Variants in OTUD3 observed in about 807,000 individuals in gnomAD.
OTUD3 encodes OTU deubiquitinase 3.
In OTUD3, 24 loss-of-function variants were observed where a neutral mutation model predicts 46.2. The ratio of observed to expected loss-of-function variants is 0.52; its 90% CI spans 0.38 to 0.73. OTUD3 has a LOEUF of 0.73. OTUD3 is among the 30% of genes least tolerant of loss of function. OTUD3 has a pLI of 0.00. For missense variants in OTUD3, 455 were observed against 523.3 expected, an observed-to-expected ratio of 0.87 and a Z score of 1.27; for synonymous variants, 189 against 195.4, an observed-to-expected ratio of 0.97 and a Z score of 0.27.
intron 4 of OTUD3, among the ~76,000 whole-genome samples, chr1:19,900,322 C>A (rs891754735): frequency 8.9e-4 from 135 of 152,176 alleles, no homozygotes; most frequent in Non-Finnish European, 1.6e-3. Flanking sequence ...TCCTGAGTAG[C>A]TGGGACCACA....
chr1:19,902,156 TC>T (rs1326592603), intron 4 of OTUD3, among the ~76,000 whole-genome samples: 1 of 151,368 alleles, frequency 6.6e-6, no homozygotes, highest in Non-Finnish European at 1.5e-5. Flanking sequence ...TGCTTTCTCT[TC>T]ATCCTCTCTG....
rs1319788751 is a variant in OTUD3, at chr1:19,904,289, A to G, written c.629A>G (p.Glu210Gly). Residue 210 changes from glutamate (E) to glycine (G), a missense_variant, in exon 5 of 8, where the codon GAA (glutamate) becomes GGA (glycine). Coordinates refer to ENST00000375120, the MANE Select transcript of OTUD3 (RefSeq NM_015207.2). Reference protein sequence around the residue: ...QTDFQMLHQDESNKREKIKTK... With the variant: ...QTDFQMLHQDGSNKREKIKTK... ...TAGTTTCAGATGCTTCATCAAGATG[A>G]ATCAAATAAAAGAGAAAAGATCAAG... 5 of 1,605,664 alleles carry G rather than the reference A, an allele frequency of 3.1e-6. No individual in the cohort carries two copies. In the South Asian group the frequency reaches 4.5e-5, roughly 14 times the overall value.
chr1:19,888,446 G>A (rs1286805922), intron 1 of OTUD3, among the ~76,000 whole-genome samples: 1 of 152,244 alleles, frequency 6.6e-6, no homozygotes, highest in East Asian at 1.9e-4. Flanking sequence ...AGAAAAGGAA[G>A]TGATTTGTCT....
Position 19,894,518 on chromosome 1 carries a change from T to C in OTUD3, c.483+38T>C, listed in dbSNP as rs372457119. The C allele has an allele frequency of 1.7e-4, 205 of 1,206,012 alleles. 2 individuals carry two copies. Among genetic ancestry groups the C allele is most frequent in the African/African-American group, 1.4e-4 (9 of 66,488 alleles). The allele number at this position is 1,206,012 out of a possible 1,614,324, so 74.7% of individuals were successfully genotyped here. On this transcript the variant is annotated intron_variant, in intron 3 of 7. Transcript: ENST00000375120. ...TTTAAACATTTATCTTAAGCTCTTATTTCTAAGTCAGCTTTGGGAATATCC... is the reference window on the plus strand; with the variant it reads ...TTTAAACATTTATCTTAAGCTCTTACTTCTAAGTCAGCTTTGGGAATATCC...
intron 1 of OTUD3, among the ~76,000 whole-genome samples, chr1:19,889,048 T>C (rs551491276): frequency 1.2e-4 from 19 of 152,334 alleles, no homozygotes; most frequent in Non-Finnish European, 1.9e-4. Context: ...AAGAATAGGC[T>C]AGTGGTGGCA....
rs1292246282 is a variant in OTUD3 at position 19,909,764 on chromosome 1, A to G, written c.*2018A>G. On this transcript the variant is annotated 3_prime_UTR_variant, in exon 8 of 8. Coordinates refer to ENST00000375120, the MANE Select transcript of OTUD3 (RefSeq NM_015207.2). ...GTTAATGAAGGTGGCCTTGGGCCCT[A>G]TTGGGTTTTAGAAGTTTTAGAAGCT... 6 of 152,338 alleles carry G rather than the reference A, an allele frequency of 3.9e-5. No homozygotes were observed. The highest frequency in any genetic ancestry group is 5.9e-5 in the Non-Finnish European group (4 of 68,030). The allele number at this position is 152,338 out of a possible 1,614,324, so 9.4% of individuals were successfully genotyped here.
chr1:19,888,307 G>A (rs1248618270), intron 1 of OTUD3, among the ~76,000 whole-genome samples: 3 of 152,192 alleles, frequency 2.0e-5, no homozygotes, highest in Non-Finnish European at 4.4e-5. Flanking sequence ...TCAGGAAGTG[G>A]CCCAGATCTC....
chr1:19,892,543 T>C (rs1052197111), intron 2 of OTUD3, among the ~76,000 whole-genome samples: 1 of 152,166 alleles, frequency 6.6e-6, no homozygotes, highest in Non-Finnish European at 1.5e-5. Context: ...TCTTTTAGAC[T>C]GTGGCTTCAG....
rs966869893 is a variant in OTUD3, at chr1:19,890,607, C to A, written c.370+74C>A. On this transcript the variant is annotated intron_variant, in intron 2 of 7. Transcript: ENST00000375120. ...AATTAAGTCCACTGGCATCCTCCCC[C>A]CTCCCAGCCAAGGGTTTGGTTATAT... 30 of 1,301,658 alleles carry A rather than the reference C, an allele frequency of 2.3e-5. No homozygotes were observed. The Admixed American group carries it at 3.7e-4, about 16-fold the overall frequency. The allele number at this position is 1,301,658 out of a possible 1,614,324, so 80.6% of individuals were successfully genotyped here. A position where few individuals can be genotyped will look rare whatever the true frequency, so the allele number is the denominator to read the frequency against.
At chr1:19,888,092 G>A (rs1055928772) in intron 1 of OTUD3, among the ~76,000 whole-genome samples, 1 of 152,162 alleles carries the variant, frequency 6.6e-6, no homozygotes, top group African/African-American at 2.4e-5. Flanking sequence ...GGGACATTTG[G>A]CAATGTCTAG....
intron 1 of OTUD3, among the ~76,000 whole-genome samples, chr1:19,887,885 A>G (rs576078943): frequency 7.9e-5 from 12 of 152,290 alleles, no homozygotes; most frequent in East Asian, 3.9e-4. Context: ...CACATTTACT[A>G]TTATTACTGC....
At position 19,906,509 on chromosome 1, in the gene OTUD3, G is replaced by T. The variant is rs1207402468; in HGVS notation, c.913G>T (p.Ala305Ser). Residue 305 changes from alanine (A) to serine (S), a missense_variant, in exon 7 of 8, where the codon GCC becomes TCC. By Grantham distance (99) the Ala-to-Ser change is moderately conservative. Transcript: ENST00000375120. Reference sequence around the variant, plus strand: ...TTTGTGGGAGGAGGGTGGCAGTGGTGCCAGAATCTTTGGAAATCAGGGCTT... The same window carrying T: ...TTTGTGGGAGGAGGGTGGCAGTGGTTCCAGAATCTTTGGAAATCAGGGCTT... ...GPLWEEGGSG[A>S]RIFGNQGLNE... 1 of 1,614,062 alleles carries T rather than the reference G, an allele frequency of 6.2e-7. No individual in the cohort carries two copies.
intron 1 of OTUD3, among the ~76,000 whole-genome samples, chr1:19,885,226 A>G (rs550331089): frequency 1.1e-4 from 16 of 152,182 alleles, no homozygotes; most frequent in Non-Finnish European, 2.2e-4. Flanking sequence ...CTCTCTTCCA[A>G]GGTTCCTGTT....
intron 2 of OTUD3, among the ~76,000 whole-genome samples, chr1:19,891,366 A>G (rs1044477915): frequency 6.6e-6 from 1 of 152,206 alleles, no homozygotes; most frequent in Non-Finnish European, 1.5e-5. Context: ...CAGGGCTTAT[A>G]GTCTTTTCTG....
chr1:19,885,963 G>A (rs897541221), intron 1 of OTUD3, among the ~76,000 whole-genome samples: 3 of 152,168 alleles, frequency 2.0e-5, no homozygotes, highest in Non-Finnish European at 4.4e-5. Context: ...GTTTAGGGAT[G>A]AATTAACCAA....
chr1:19,894,354 C>T lies in OTUD3; in HGVS notation c.371-14C>T, dbSNP rs1373143883. 3 of 1,502,702 alleles carry T rather than the reference C, an allele frequency of 2.0e-6. No individual in the cohort carries two copies. Among genetic ancestry groups the T allele is most frequent in the African/African-American group, 1.4e-5 (1 of 72,078 alleles). 93.1% of individuals were successfully genotyped at this position (1,502,702 alleles called of 1,614,324 possible). A position where few individuals can be genotyped will look rare whatever the true frequency, so the allele number is the denominator to read the frequency against. On this transcript the variant is annotated splice_polypyrimidine_tract_variant and intron_variant, in intron 2 of 7. Transcript: ENST00000375120. ...ACTATAAAGACGTCATTTTTCTTTCCTATTTCCATGCAGTGGCCAGTTTGG... is the reference window on the plus strand; with the variant it reads ...ACTATAAAGACGTCATTTTTCTTTCTTATTTCCATGCAGTGGCCAGTTTGG...
chr1:19,882,498 A>C lies in OTUD3; in HGVS notation c.-16A>C, dbSNP rs1334962177. The C allele has an allele frequency of 1.5e-6, 2 of 1,354,136 alleles. No homozygotes were observed. The highest frequency in any genetic ancestry group is 1.9e-6 in the Non-Finnish European group (2 of 1,059,266). 83.9% of individuals were successfully genotyped at this position (1,354,136 alleles called of 1,614,324 possible). The stretch of plus-strand genomic sequence containing the variant: ...GCGCCTTTCCCTCCTGCCGCTGGGG[A>C]CTGCAGGCTAAGGCCATGTCCCGAA... On this transcript the variant is annotated 5_prime_UTR_variant, in exon 1 of 8. Transcript: ENST00000375120.
intron 6 of OTUD3, 102 bp from the exon 7 acceptor site, chr1:19,906,330 T>C (rs1393581061): frequency 2.0e-6 from 2 of 990,852 alleles, no homozygotes; most frequent in Admixed American, 3.0e-5. Context: ...ACTTCCCTTA[T>C]GACTGAAGTA....
chr1:19,885,404 C>T (rs2045343796), intron 1 of OTUD3, among the ~76,000 whole-genome samples: 1 of 152,194 alleles, frequency 6.6e-6, no homozygotes, highest in Non-Finnish European at 1.5e-5. Context: ...GACTTTATCA[C>T]TGCAGGGGAT....
Sources: allele counts gnomAD v4.1 joint callset (sites outside exome capture counted in the v4.1 genomes callset), GRCh38; gene constraint gnomAD v4.1.1; transcripts MANE v1.5; gene names NCBI Gene and HGNC (gene_info 2026-07-23, HGNC 2026-07-21).